The following OCRL variants were observed in gnomAD, a reference collection of about 807,000 sequenced individuals.
The protein encoded by OCRL is OCRL inositol polyphosphate-5-phosphatase, also known as inositol polyphosphate 5-phosphatase OCRL.
In OCRL, 8 loss-of-function variants were observed where a neutral mutation model predicts 78.9. The ratio of observed to expected loss-of-function variants is 0.10; its 90% CI spans 0.06 to 0.18. The LOEUF (loss-of-function observed/expected upper bound fraction) is 0.18. Among genes scored for constraint, OCRL ranks in the 10% least tolerant of loss-of-function variants. OCRL has a pLI of 1.00. For missense variants in OCRL, 454 were observed against 696.7 expected, an observed-to-expected ratio of 0.65 and a Z score of 3.92; for synonymous variants, 240 against 235.4, an observed-to-expected ratio of 1.02 and a Z score of -0.18.
intron 9 of OCRL, 34 bp from the exon 10 acceptor site, chrX:129,561,145 A>C (rs1364124836): frequency 2.3e-6 from 2 of 885,449 alleles, no homozygotes; most frequent in Non-Finnish European, 3.3e-6. Context: ...TAATTATGGG[A>C]TATGTATAGA....
chrX:129,586,950 C>T (rs1936518277), intron 19 of OCRL, 52 bp from the exon 20 acceptor site: 1 of 806,693 alleles, frequency 1.2e-6, no homozygotes, highest in East Asian at 3.1e-5. Flanking sequence ...AGTTATACAC[C>T]AAAGTCTTTA....
chrX:129,544,837 G>A, intron 2 of OCRL, 121 bp from the exon 3 acceptor site: 1 of 523,299 alleles, frequency 1.9e-6, no homozygotes, highest in Non-Finnish European at 3.4e-6. Flanking sequence ...TCAGATCCAG[G>A]GAACTAGATG....
At chrX:129,579,136 T>A (rs1416301395) in intron 18 of OCRL, among the ~76,000 whole-genome samples, 1 of 111,790 alleles carries the variant, frequency 8.9e-6, no homozygotes, top group African/African-American at 3.2e-5. Context: ...TTTCCTTTGA[T>A]CATCATGACA....
intron 18 of OCRL, among the ~76,000 whole-genome samples, chrX:129,580,140 C>CT (rs1215682474): frequency 8.9e-6 from 1 of 112,219 alleles, no homozygotes; most frequent in Non-Finnish European, 1.9e-5. Context: ...ATTAACATGA[C>CT]TGAGAAATAA....
intron 5 of OCRL, 108 bp downstream of exon 5, chrX:129,557,543 C>T: frequency 1.4e-6 from 1 of 706,331 alleles, no homozygotes; most frequent in Non-Finnish European, 2.2e-6. Flanking sequence ...ACCCTTTAAG[C>T]CCTGATAGCT....
At chrX:129,572,907 AG>A (rs1410483854) in intron 15 of OCRL, among the ~76,000 whole-genome samples, 1 of 112,248 alleles carries the variant, frequency 8.9e-6, no homozygotes, top group Non-Finnish European at 1.9e-5. Context: ...TCACTGTAGC[AG>A]TGAGCAAGTT....
chrX:129,584,230 G>T, intron 18 of OCRL, 114 bp from the exon 19 acceptor site: 1 of 604,427 alleles, frequency 1.7e-6, no homozygotes, highest in Non-Finnish European at 2.8e-6. Context: ...GCTGTTTAAA[G>T]CATGTATATC....
At chrX:129,589,170 AT>A in intron 22 of OCRL, 157 bp downstream of exon 22, 1 of 588,369 alleles carries the variant, frequency 1.7e-6, no homozygotes, top group South Asian at 2.5e-5. Context: ...CTACCCTTAA[AT>A]TTTAGGTTGT....
Position 129,590,354 on chromosome X carries a change from G to A in OCRL, c.*84G>A. ...GAATGATTTAAAAAGTCATGCCACA[G>A]GAAGGGTCTATTGCAGAATTTCAAG... is the stretch of plus-strand genomic sequence containing the variant. On this transcript the variant is annotated 3_prime_UTR_variant, in exon 24 of 24. Coordinates refer to ENST00000371113, the MANE Select transcript of OCRL (RefSeq NM_000276.4). The A allele has an allele frequency of 8.9e-7, 1 of 1,118,050 alleles. No individual in the cohort carries two copies. Among genetic ancestry groups the A allele is most frequent in the Non-Finnish European group, 1.2e-6 (1 of 815,958 alleles). The allele number at this position is 1,118,050 out of a possible 1,213,427, so 92.1% of individuals were successfully genotyped here. A position where few individuals can be genotyped will look rare whatever the true frequency, so the allele number is the denominator to read the frequency against.
At chrX:129,548,542 C>T (rs960500462) in intron 3 of OCRL, 21 bp from the exon 4 acceptor site, 1 of 1,187,059 alleles carries the variant, frequency 8.4e-7, no homozygotes, top group East Asian at 3.0e-5. Context: ...TAATCCTACT[C>T]TCTTTTTTTT....
chrX:129,542,200 G>A (rs992050271), intron 2 of OCRL, among the ~76,000 whole-genome samples: 1 of 108,062 alleles, frequency 9.3e-6, no homozygotes, highest in Non-Finnish European at 1.9e-5. Flanking sequence ...TAGTCCCTCG[G>A]ATTAGTAGAT....
chrX:129,559,296 G>A (rs752176959), intron 8 of OCRL, among the ~76,000 whole-genome samples: 3 of 111,205 alleles, frequency 2.7e-5, no homozygotes, highest in Non-Finnish European at 3.8e-5. Context: ...CCTCTCAGTC[G>A]TAAGCAATCC....
intron 4 of OCRL, among the ~76,000 whole-genome samples, chrX:129,555,648 T>C (rs1186628224): frequency 9.0e-6 from 1 of 111,730 alleles, no homozygotes; most frequent in East Asian, 2.8e-4. Context: ...AGGTTGAGTC[T>C]TGAGGTAATT....
At chrX:129,588,438 T>C (rs1207670455) in intron 21 of OCRL, among the ~76,000 whole-genome samples, 175 bp downstream of exon 21, 2 of 112,358 alleles carry the variant, frequency 1.8e-5, no homozygotes, top group Non-Finnish European at 3.8e-5. Context: ...TTTTGACCTC[T>C]TTCCATATCC....
rs762763976 is a variant in OCRL, at chrX:129,540,497, G to A, written c.39+19G>A. On this transcript the variant is annotated intron_variant, in intron 1 of 23. Coordinates refer to ENST00000371113, the MANE Select transcript of OCRL (RefSeq NM_000276.4). ...GCTTGCCGTATCCGCCGGAGAGAAG[G>A]GAGAGGGGAGGCCGCGCAGGGCCGG... 8.7e-6 allele frequency: 10 copies of A among 1,148,099 alleles called. No individual in the cohort carries two copies. The highest frequency in any genetic ancestry group is 1.9e-5 in the South Asian group (1 of 51,971). 94.6% of individuals were successfully genotyped at this position (1,148,099 alleles called of 1,213,427 possible). A position where few individuals can be genotyped will look rare whatever the true frequency, so the allele number is the denominator to read the frequency against.
intron 18 of OCRL, among the ~76,000 whole-genome samples, chrX:129,582,509 C>T (rs1936455744): frequency 8.9e-6 from 1 of 112,230 alleles, no homozygotes; most frequent in African/African-American, 3.2e-5. Flanking sequence ...TTATTCATAT[C>T]ATGTATTAGA....
intron 19 of OCRL, chrX:129,586,696 G>A (rs1276106451): frequency 2.5e-5 from 10 of 398,171 alleles, no homozygotes; most frequent in Middle Eastern, 4.4e-4. Flanking sequence ...CTGTATCACC[G>A]GAGCACTGGT....
chrX:129,576,722 AAG>A (rs1286128285), intron 18 of OCRL, among the ~76,000 whole-genome samples, 170 bp downstream of exon 18: 1 of 112,170 alleles, frequency 8.9e-6, no homozygotes, highest in Non-Finnish European at 1.9e-5. Context: ...CCTAAGGGGA[AAG>A]AGGGGGGACT....
At chrX:129,571,959 C>G (rs896013538) in intron 15 of OCRL, among the ~76,000 whole-genome samples, 2 of 111,604 alleles carry the variant, frequency 1.8e-5, no homozygotes, top group Admixed American at 1.9e-4. Context: ...TCCAATAGAG[C>G]TTTCTGTGAT....
Sources: allele counts gnomAD v4.1 joint callset (sites outside exome capture counted in the v4.1 genomes callset), GRCh38; gene constraint gnomAD v4.1.1; transcripts MANE v1.5; gene names NCBI Gene and HGNC (gene_info 2026-07-23, HGNC 2026-07-21).